Variants in EML6 observed in about 807,000 individuals in gnomAD.
EML6 encodes EMAP like 6.
EML6 carries 154 observed loss-of-function variants against 240.1 expected under a neutral mutation model. The ratio of observed to expected loss-of-function variants is 0.64; its 90% CI spans 0.56 to 0.73. EML6 has a LOEUF of 0.73. Among genes scored for constraint, EML6 ranks in the 30% least tolerant of loss-of-function variants. The pLI is 0.00. For synonymous variants in EML6, 1,148 were observed against 899.0 expected (o/e 1.28, Z -4.95); for missense variants, 2,964 against 2,474.6 (o/e 1.20, Z -4.20).
chr2:54,812,943 A>G (rs1667922962), intron 2 of EML6, among the ~76,000 whole-genome samples: 1 of 152,222 alleles, frequency 6.6e-6, no homozygotes, highest in African/African-American at 2.4e-5. Context: ...AAGCAATTAT[A>G]AAACTATACA....
At chr2:54,887,736 T>G (rs959747896) in intron 17 of EML6, among the ~76,000 whole-genome samples, 2 of 152,118 alleles carry the variant, frequency 1.3e-5, no homozygotes, top group African/African-American at 4.8e-5. Context: ...GGTGTTCCAT[T>G]TTTTCCCTTT....
rs950926082 is a variant in EML6, at chr2:54,948,527, G to A, written c.4005-355G>A. 7.2e-5 allele frequency among the ~76,000 whole-genome samples: 11 copies of A among 152,294 alleles called. 1 individual carries two copies. In the South Asian group the frequency reaches 1.2e-3, roughly 17 times the overall value. ...GCAAGTCCAGGAAATGTGGCCTCCC[G>A]CCCCTCATGGTCAGGCTTCTCCTTG... On this transcript the variant is annotated intron_variant, in intron 28 of 41. Coordinates refer to ENST00000356458, the MANE Select transcript of EML6 (RefSeq NM_001039753.4).
chr2:54,823,301 G>T lies in EML6; in HGVS notation c.525+2839G>T, dbSNP rs534219423. Among the ~76,000 whole-genome samples the T allele has an allele frequency of 2.9e-4, 44 of 152,160 alleles. No individual in the cohort carries two copies. The Middle Eastern group carries it at 0.01, about 35-fold the overall frequency. On this transcript the variant is annotated intron_variant, in intron 5 of 41. Transcript: ENST00000356458. ...GTGGGTGAGTTTGGTAGGAAGGGTCGGGAGGCAGAACTAGGCGAGGGGTTG... is the reference window on the plus strand; with the variant it reads ...GTGGGTGAGTTTGGTAGGAAGGGTCTGGAGGCAGAACTAGGCGAGGGGTTG...
chr2:54,783,049 A>T (rs1015006839), intron 2 of EML6, among the ~76,000 whole-genome samples: 1 of 152,226 alleles, frequency 6.6e-6, no homozygotes, highest in Non-Finnish European at 1.5e-5. Context: ...CTTGTGGAAT[A>T]TTCTACGTGG....
At chr2:54,917,574 G>A (rs1673991483) in intron 26 of EML6, among the ~76,000 whole-genome samples, 1 of 152,046 alleles carries the variant, frequency 6.6e-6, no homozygotes, top group Non-Finnish European at 1.5e-5. Context: ...TCTTGACCAG[G>A]CTGGTCTTGA....
chr2:54,901,293 C>T lies in EML6; in HGVS notation c.3124+1511C>T, dbSNP rs910987312. Among the ~76,000 whole-genome samples the T allele has an allele frequency of 3.3e-5, 5 of 152,278 alleles. No homozygotes were observed. In the South Asian group the frequency reaches 6.2e-4, roughly 19 times the overall value. On this transcript the variant is annotated intron_variant, in intron 22 of 41. Transcript: ENST00000356458. Reference sequence around the variant, plus strand: ...ACTGCTTAACACTATTTCCCTCTGCCGTGTTGCCTGTCTTTACACTAGGCT... The same window carrying T: ...ACTGCTTAACACTATTTCCCTCTGCTGTGTTGCCTGTCTTTACACTAGGCT...
intron 35 of EML6, among the ~76,000 whole-genome samples, chr2:54,961,872 C>T (rs1291000818): frequency 5.3e-5 from 8 of 151,204 alleles, no homozygotes; most frequent in South Asian, 4.2e-4. Context: ...GATGTGGTGG[C>T]GGGCACCTGT....
At chr2:54,791,043 C>T (rs1043808635) in intron 2 of EML6, among the ~76,000 whole-genome samples, 1 of 152,154 alleles carries the variant, frequency 6.6e-6, no homozygotes, top group African/African-American at 2.4e-5. Flanking sequence ...AATTTTCAAA[C>T]TTTGAAGCAA....
At position 54,853,743 on chromosome 2, in the gene EML6, C is replaced by T. The variant is rs1307299808; in HGVS notation, c.1545C>T (p.Tyr515=). 6 of 1,551,502 alleles carry T rather than the reference C, an allele frequency of 3.9e-6. No homozygotes were observed. Among genetic ancestry groups the T allele is most frequent in the Non-Finnish European group, 5.2e-6 (6 of 1,146,932 alleles). Reference sequence around the variant, plus strand: ...AAGTGAGTGGAATTTGGCCCAAATACACTGAGGTTACTGACATCAACTCAG... The same window carrying T: ...AAGTGAGTGGAATTTGGCCCAAATATACTGAGGTTACTGACATCAACTCAG... ...GPEVSGIWPK[Y]TEVTDINSVD... The change falls in exon 11 of 42, where the codon TAC becomes TAT. Residue 515 remains tyrosine (Y), a synonymous_variant. Transcript: ENST00000356458.
At chr2:54,952,516 C>T (rs971623769) in intron 30 of EML6, 78 bp from the exon 31 acceptor site, 3 of 813,988 alleles carry the variant, frequency 3.7e-6, no homozygotes, top group Admixed American at 2.4e-5. Context: ...TATCCAATGG[C>T]TCCACGCGAT....
intron 26 of EML6, among the ~76,000 whole-genome samples, chr2:54,926,756 C>T (rs1674568560): frequency 1.3e-5 from 2 of 152,186 alleles, no homozygotes; most frequent in African/African-American, 4.8e-5. Flanking sequence ...TATATCTCTT[C>T]AGTGGCCCTG....
rs1432825107 is a variant in EML6 at position 54,777,571 on chromosome 2, A to G, written c.198-35661A>G. Reference sequence around the variant, plus strand: ...TTTGGAAAGGGGAAATGTAATTACTATCTTGGTGTGTCCTTATGGTCCTCA... The same window carrying G: ...TTTGGAAAGGGGAAATGTAATTACTGTCTTGGTGTGTCCTTATGGTCCTCA... On this transcript the variant is annotated intron_variant, in intron 2 of 41. Coordinates refer to ENST00000356458, the MANE Select transcript of EML6 (RefSeq NM_001039753.4). Among the ~76,000 whole-genome samples the G allele has an allele frequency of 3.9e-5, 6 of 152,162 alleles. No homozygotes were observed. In the South Asian group the frequency reaches 8.3e-4, roughly 21 times the overall value.
intron 32 of EML6, among the ~76,000 whole-genome samples, chr2:54,954,723 A>G (rs1332594646): frequency 6.6e-6 from 1 of 152,144 alleles, no homozygotes; most frequent in African/African-American, 2.4e-5. Context: ...CACACCTCAC[A>G]CACATGCACA....
chr2:54,813,330 C>G lies in EML6; in HGVS notation c.296C>G (p.Ser99Cys). Reference protein sequence around the residue: ...IWDSYNVQTVSLLKDVHTHGV... With the variant: ...IWDSYNVQTVCLLKDVHTHGV... The stretch of plus-strand genomic sequence containing the variant: ...GATTCCTATAATGTCCAGACTGTGT[C>G]TCTTCTTAAAGATGTCCATACACAT... The change falls in exon 3 of 42, where the codon TCT becomes TGT. Residue 99 changes from serine (S) to cysteine (C), a missense_variant. Coordinates refer to ENST00000356458, the MANE Select transcript of EML6 (RefSeq NM_001039753.4). 2 of 1,551,504 alleles carry G rather than the reference C, an allele frequency of 1.3e-6. No homozygotes were observed. Among genetic ancestry groups the G allele is most frequent in the Non-Finnish European group, 1.7e-6 (2 of 1,146,692 alleles).
chr2:54,951,783 T>G (rs1353998420), intron 30 of EML6, among the ~76,000 whole-genome samples: 1 of 152,132 alleles, frequency 6.6e-6, no homozygotes, highest in Non-Finnish European at 1.5e-5. Context: ...ATTTAAACAG[T>G]GAAATCACTG....
At chr2:54,849,890 C>T in intron 9 of EML6, 72 bp from the exon 10 acceptor site, 8 of 1,248,310 alleles carry the variant, frequency 6.4e-6, no homozygotes, top group Non-Finnish European at 7.8e-6. Context: ...CTTTTTCTGA[C>T]ACATATATTT....
intron 7 of EML6, among the ~76,000 whole-genome samples, chr2:54,836,315 G>T (rs1669139638): frequency 6.6e-6 from 1 of 152,206 alleles, no homozygotes; most frequent in Non-Finnish European, 1.5e-5. Flanking sequence ...CATGGGCTTG[G>T]CTATGTGTTC....
At position 54,856,606 on chromosome 2, in the gene EML6, G is replaced by A. The variant is rs1024396103; in HGVS notation, c.1657+2751G>A. Among the ~76,000 whole-genome samples the A allele has an allele frequency of 2.4e-4, 37 of 152,272 alleles. 1 individual carries two copies. Among genetic ancestry groups the A allele is most frequent in the African/African-American group, 8.7e-4 (36 of 41,548 alleles). On this transcript the variant is annotated intron_variant, in intron 11 of 41. Transcript: ENST00000356458. The stretch of plus-strand genomic sequence containing the variant: ...CTGGTGCTGGCCTTCCATATGTCAT[G>A]GATAAGCTTGATGCAGTGCAGAAGC...
chr2:54,741,248 T>A (rs933060147), intron 2 of EML6, among the ~76,000 whole-genome samples: 4 of 151,922 alleles, frequency 2.6e-5, no homozygotes, highest in African/African-American at 7.3e-5. Flanking sequence ...TACAATAGAG[T>A]ACTAACTGGC....
Sources: allele counts gnomAD v4.1 joint callset (sites outside exome capture counted in the v4.1 genomes callset), GRCh38; gene constraint gnomAD v4.1.1; transcripts MANE v1.5; gene names NCBI Gene and HGNC (gene_info 2026-07-23, HGNC 2026-07-21).